Variants in TRPC4 observed in about 807,000 individuals in gnomAD.
TRPC4 encodes the protein transient receptor potential cation channel subfamily C member 4.
A neutral mutation model predicts 99.4 loss-of-function variants in TRPC4; 49 were observed. That is an observed-to-expected ratio of 0.49 (90% CI 0.39 to 0.63). The LOEUF is 0.63. TRPC4 is among the 20% of genes least tolerant of loss of function. TRPC4 has a pLI of 0.00. For missense variants in TRPC4, 898 were observed against 1,152.9 expected (o/e 0.78, Z 3.20); for synonymous variants, 454 against 425.9 (o/e 1.07, Z -0.81).
At chr13:37,661,344 G>T (rs956410425) in intron 6 of TRPC4, among the ~76,000 whole-genome samples, 2 of 152,162 alleles carry the variant, frequency 1.3e-5, no homozygotes, top group Admixed American at 6.5e-5. Flanking sequence ...TAGGGACAAA[G>T]AAATTCCTAG....
At chr13:37,709,638 A>G (rs1240619633) in intron 3 of TRPC4, among the ~76,000 whole-genome samples, 2 of 151,932 alleles carry the variant, frequency 1.3e-5, no homozygotes, top group Non-Finnish European at 2.9e-5. Context: ...TTCTCTGTCC[A>G]GTGGCTCTCA....
intron 4 of TRPC4, among the ~76,000 whole-genome samples, chr13:37,675,367 G>A (rs900673584): frequency 1.3e-5 from 2 of 152,100 alleles, no homozygotes; most frequent in African/African-American, 4.8e-5. Flanking sequence ...GCTCACCTGC[G>A]GCAGAGTATG....
chr13:37,707,770 T>C (rs1177687617), intron 3 of TRPC4, among the ~76,000 whole-genome samples: 1 of 152,242 alleles, frequency 6.6e-6, no homozygotes, highest in African/African-American at 2.4e-5. Flanking sequence ...AAGACTATGC[T>C]TCTAGAACTC....
chr13:37,819,877 C>T (rs927031690), intron 1 of TRPC4, among the ~76,000 whole-genome samples: 3 of 149,466 alleles, frequency 2.0e-5, no homozygotes, highest in Non-Finnish European at 3.0e-5. Flanking sequence ...TAACATCACA[C>T]CTAGAGGAAC....
intron 1 of TRPC4, among the ~76,000 whole-genome samples, chr13:37,792,996 G>A (rs1405854458): frequency 2.0e-5 from 3 of 152,048 alleles, no homozygotes; most frequent in Non-Finnish European, 2.9e-5. Flanking sequence ...AGAGACGAGA[G>A]AAGTAATTAG....
intron 4 of TRPC4, among the ~76,000 whole-genome samples, chr13:37,675,639 C>T (rs766992682): frequency 5.3e-5 from 8 of 152,276 alleles, no homozygotes; most frequent in East Asian, 1.9e-4. Context: ...GTGGAAGAGA[C>T]AGAAAGCACT....
Position 37,636,599 on chromosome 13 carries a change from T to C in TRPC4, c.*304A>G, listed in dbSNP as rs1357001997. On this transcript the variant is annotated 3_prime_UTR_variant, in exon 11 of 11. Transcript: ENST00000379705. ...TACCACATGAAATAAATTGCATTTGTTTTAATTGAAAAAGATAGCTAAAAT... is the reference window on the plus strand; with the variant it reads ...TACCACATGAAATAAATTGCATTTGCTTTAATTGAAAAAGATAGCTAAAAT... 1 of 208,668 alleles carries C rather than the reference T, an allele frequency of 4.8e-6. No individual in the cohort carries two copies. The highest frequency in any genetic ancestry group is 2.3e-5 in the African/African-American group (1 of 43,504). The allele number at this position is 208,668 out of a possible 1,614,324, so 12.9% of individuals were successfully genotyped here. A position where few individuals can be genotyped will look rare whatever the true frequency, so the allele number is the denominator to read the frequency against.
At chr13:37,745,542 A>G (rs1344346874) in intron 3 of TRPC4, among the ~76,000 whole-genome samples, 1 of 106,500 alleles carries the variant, frequency 9.4e-6, no homozygotes, top group Non-Finnish European at 2.0e-5. Flanking sequence ...ATATACGTAT[A>G]TATATATATA....
intron 1 of TRPC4, among the ~76,000 whole-genome samples, chr13:37,798,717 T>C (rs1250474521): frequency 6.6e-6 from 1 of 152,318 alleles, no homozygotes; most frequent in East Asian, 1.9e-4. Context: ...GTATTCTCAT[T>C]ACAACCTGCT....
chr13:37,778,016 T>C (rs35690092), intron 2 of TRPC4, among the ~76,000 whole-genome samples: 12 of 152,042 alleles, frequency 7.9e-5, no homozygotes, highest in Non-Finnish European at 1.8e-4. Context: ...TCACAATTAA[T>C]ATTTATTGGG....
At chr13:37,749,583 C>G (rs946515834) in intron 2 of TRPC4, among the ~76,000 whole-genome samples, 1 of 152,050 alleles carries the variant, frequency 6.6e-6, no homozygotes, top group African/African-American at 2.4e-5. Context: ...ACAATAAAAA[C>G]AGAACAAAAG....
chr13:37,691,402 C>T (rs17056451), intron 4 of TRPC4, among the ~76,000 whole-genome samples: 22,546 of 152,138 alleles, frequency 0.15, 1,805 homozygotes, highest in East Asian at 0.27. Context: ...CTGCACCCGG[C>T]GGGAAAACAA....
chr13:37,712,910 T>C (rs538159547), intron 3 of TRPC4, among the ~76,000 whole-genome samples: 44 of 152,300 alleles, frequency 2.9e-4, no homozygotes, highest in African/African-American at 1.0e-3. Context: ...TGAGGTTTAC[T>C]TCCAACATTG....
chr13:37,648,623 A>T (rs1171009191), intron 8 of TRPC4, among the ~76,000 whole-genome samples: 1 of 152,206 alleles, frequency 6.6e-6, no homozygotes, highest in Non-Finnish European at 1.5e-5. Context: ...GGAGCAAAAA[A>T]TTCAAATATA....
At chr13:37,821,788 T>C (rs1958018993) in intron 1 of TRPC4, among the ~76,000 whole-genome samples, 2 of 152,080 alleles carry the variant, frequency 1.3e-5, no homozygotes, top group Admixed American at 6.5e-5. Flanking sequence ...GGGTCTTTCC[T>C]TACACAATAT....
chr13:37,844,859 C>A (rs1399203947), intron 1 of TRPC4, among the ~76,000 whole-genome samples: 2 of 152,160 alleles, frequency 1.3e-5, no homozygotes, highest in African/African-American at 4.8e-5. Flanking sequence ...CTGCCTACTT[C>A]TGTGACCAAG....
intron 2 of TRPC4, among the ~76,000 whole-genome samples, chr13:37,781,672 C>T (rs4943537): frequency 0.5 from 76,526 of 151,812 alleles, 20,115 homozygotes; most frequent in East Asian, 0.78. Flanking sequence ...CACAAACAAC[C>T]GTTTATGAAA....
chr13:37,680,368 G>A (rs889001182), intron 4 of TRPC4, among the ~76,000 whole-genome samples: 5 of 152,144 alleles, frequency 3.3e-5, no homozygotes, highest in Admixed American at 6.5e-5. Flanking sequence ...AAGCGGCCAG[G>A]CTCAACTCAA....
intron 1 of TRPC4, among the ~76,000 whole-genome samples, chr13:37,794,797 T>C (rs1314242524): frequency 1.3e-5 from 2 of 152,154 alleles, no homozygotes; most frequent in Non-Finnish European, 2.9e-5. Context: ...TGATACATGA[T>C]TTTTCTGCTC....
Sources: allele counts gnomAD v4.1 joint callset (sites outside exome capture counted in the v4.1 genomes callset), GRCh38; gene constraint gnomAD v4.1.1; transcripts MANE v1.5; gene names NCBI Gene and HGNC (gene_info 2026-07-23, HGNC 2026-07-21).